Variants in FCHO1 observed in about 807,000 individuals in gnomAD.
FCHO1 encodes FCH and mu domain containing endocytic adaptor 1, also known as F-BAR domain only protein 1.
Under a neutral mutation model 114.4 loss-of-function variants are expected in FCHO1, and 45 were observed. The ratio of observed to expected loss-of-function variants is 0.39; its 90% CI spans 0.31 to 0.50. FCHO1 has a LOEUF of 0.50. FCHO1 is among the 20% of genes least tolerant of loss of function. The pLI is 0.77. For synonymous variants in FCHO1, 480 were observed against 488.9 expected, an observed-to-expected ratio of 0.98 and a Z score of 0.24; for missense variants, 1,042 against 1,209.6, an observed-to-expected ratio of 0.86 and a Z score of 2.06.
intron 11 of FCHO1, 56 bp downstream of exon 11, chr19:17,772,797 A>G (rs1267457471): frequency 4.9e-6 from 6 of 1,233,604 alleles, no homozygotes; most frequent in Admixed American, 1.7e-5. Flanking sequence ...GCAGACAGGC[A>G]TGTGCCACCA....
At chr19:17,781,903 G>A (rs536787026) in intron 23 of FCHO1, 83 bp downstream of exon 23, 5 of 940,858 alleles carry the variant, frequency 5.3e-6, no homozygotes, top group East Asian at 2.5e-5. Context: ...TGTGCTTCAT[G>A]GTCTGTCTTA....
upstream of FCHO1, among the ~76,000 whole-genome samples, chr19:17,748,413 C>G (rs1444993318): frequency 6.6e-6 from 1 of 151,704 alleles, no homozygotes; most frequent in Non-Finnish European, 1.5e-5. Context: ...TGTGGGGACC[C>G]CAAGGTTGGA....
chr19:17,780,955 C>A (rs1172999377), intron 20 of FCHO1, among the ~76,000 whole-genome samples: 1 of 152,208 alleles, frequency 6.6e-6, no homozygotes, highest in East Asian at 1.9e-4. Flanking sequence ...TTACAGCATG[C>A]CTGCGTCTTA....
chr19:17,764,358 C>T lies in FCHO1; in HGVS notation c.120-17C>T, dbSNP rs770319954. 3.7e-6 allele frequency: 6 copies of T among 1,613,098 alleles called. No individual in the cohort carries two copies. The South Asian group carries it at 5.5e-5, about 15-fold the overall frequency. On this transcript the variant is annotated splice_polypyrimidine_tract_variant and intron_variant, in intron 5 of 28. Coordinates refer to ENST00000596536, the MANE Select transcript of FCHO1 (RefSeq NM_015122.3). Reference sequence around the variant, plus strand: ...GCCCGGGCAGTTTCTCCATCTTTACCTCATTCTCCTCCCCAGGGCCACCAT... The same window carrying T: ...GCCCGGGCAGTTTCTCCATCTTTACTTCATTCTCCTCCCCAGGGCCACCAT...
chr19:17,770,064 C>A (rs2091012427), intron 7 of FCHO1, among the ~76,000 whole-genome samples: 1 of 152,060 alleles, frequency 6.6e-6, no homozygotes, highest in Admixed American at 6.6e-5. Flanking sequence ...CTTTGGGAGG[C>A]CAAGGTGGGC....
At chr19:17,778,043 A>C in intron 18 of FCHO1, 94 bp from the exon 19 acceptor site, 1 of 894,494 alleles carries the variant, frequency 1.1e-6, no homozygotes, top group Non-Finnish European at 1.8e-6. Flanking sequence ...CGTCTCAAAA[A>C]AAAAAAAGAC....
chr19:17,761,653 T>TATATATATATAC (rs1491266072), intron 4 of FCHO1, among the ~76,000 whole-genome samples: 21 of 139,786 alleles, frequency 1.5e-4, no homozygotes, highest in East Asian at 5.9e-4. Context: ...TATATATATA[T>TATATATATATAC]ACACACACAC....
chr19:17,765,751 A>G (rs941590641), intron 6 of FCHO1, among the ~76,000 whole-genome samples: 3 of 151,896 alleles, frequency 2.0e-5, no homozygotes, highest in African/African-American at 7.3e-5. Context: ...GGCTGCTATG[A>G]GGCAAAAGTT....
chr19:17,776,697 C>G lies in FCHO1; in HGVS notation c.1259+11C>G, dbSNP rs2092673873. 6.2e-7 allele frequency: 1 copy of G among 1,613,254 alleles called. No individual in the cohort carries two copies. The highest frequency in any genetic ancestry group is 1.3e-5 in the African/African-American group (1 of 74,916). On this transcript the variant is annotated intron_variant, in intron 18 of 28. Coordinates refer to ENST00000596536, the MANE Select transcript of FCHO1 (RefSeq NM_015122.3). The surrounding 1 kb of genome is among the most constrained non-coding windows in gnomAD (Gnocchi z 4.4). ...CCCCAGAACCAGCAGGTGGGTTCCA[C>G]ACGAGTGGGCAGGTGGGGGCTGTCC...
In FCHO1 at chr19:17,776,096, C is replaced by A. The variant is rs376919838; in HGVS notation, c.1117C>A (p.Pro373Thr). ...PAPARAPACSPEAAAAQLRAT... is the reference protein window; with the variant it reads ...PAPARAPACSTEAAAAQLRAT... ...CCCGGCCCGGGCTCCAGCCTGCAGC[C>A]CCGAGGCAGCAGCGGCACAGCTCAG... Residue 373 changes from proline (P) to threonine (T), a missense_variant, in exon 16 of 29, where the codon CCC becomes ACC. Physicochemically the swap from Pro to Thr is conservative, Grantham distance 38. This residue lies in a region of FCHO1 where 450 missense variants were observed against 564.1 expected (regional missense o/e 0.80). Coordinates refer to ENST00000596536, the MANE Select transcript of FCHO1 (RefSeq NM_015122.3). This position sits in a 1 kb window ranked among gnomAD's most constrained non-coding sequence, Gnocchi z 4.4. The A allele has an allele frequency of 6.2e-7, 1 of 1,612,536 alleles. No individual in the cohort carries two copies. Among genetic ancestry groups the A allele is most frequent in the Non-Finnish European group, 8.5e-7 (1 of 1,179,908 alleles).
At chr19:17,761,729 C>T (rs558153730) in intron 4 of FCHO1, among the ~76,000 whole-genome samples, 5 of 151,574 alleles carry the variant, frequency 3.3e-5, no homozygotes, top group South Asian at 4.2e-4. Flanking sequence ...GGCGTGATCT[C>T]GGCTCACTGC....
intron 7 of FCHO1, among the ~76,000 whole-genome samples, chr19:17,769,580 AACACACACACACACACAC>A (rs71162199): frequency 0.1 from 14,629 of 144,056 alleles, 940 homozygotes; most frequent in Non-Finnish European, 0.15. Flanking sequence ...CTTCGTCTCA[AACACACACACACACACAC>A]ACACACACAC....
chr19:17,757,400 C>T (rs181839796), intron 4 of FCHO1, among the ~76,000 whole-genome samples: 8 of 152,140 alleles, frequency 5.3e-5, no homozygotes, highest in African/African-American at 1.7e-4. Flanking sequence ...CTGCTCTGGG[C>T]GGTGGTGCCT....
At chr19:17,762,628 A>G (rs2086772430) in intron 4 of FCHO1, 134 bp from the exon 5 acceptor site, 1 of 745,578 alleles carries the variant, frequency 1.3e-6, no homozygotes, top group African/African-American at 1.7e-5. Flanking sequence ...AAATGCAGCA[A>G]GCTGATTCGC....
Position 17,775,102 on chromosome 19 carries a change from A to G in FCHO1, c.945+22A>G. The stretch of plus-strand genomic sequence containing the variant: ...AGGGGTGAGTGATGTGGGAGGGGTC[A>G]GGCTGGGCTACAAGTGGAAGGAGTT... On this transcript the variant is annotated intron_variant, in intron 14 of 28. Coordinates refer to ENST00000596536, the MANE Select transcript of FCHO1 (RefSeq NM_015122.3). The surrounding 1 kb of genome is among the most constrained non-coding windows in gnomAD (Gnocchi z 5.1). 4 of 1,609,096 alleles carry G rather than the reference A, an allele frequency of 2.5e-6. No homozygotes were observed. The highest frequency in any genetic ancestry group is 3.4e-6 in the Non-Finnish European group (4 of 1,177,202).
chr19:17,775,870 T>G lies in FCHO1; in HGVS notation c.1004-113T>G. The stretch of plus-strand genomic sequence containing the variant: ...ACTGAAGGTGGCGCGTGGTGAGCGA[T>G]GGGATTGGGCAGGACCTCGAAGGGT... On this transcript the variant is annotated intron_variant, in intron 15 of 28. Coordinates refer to ENST00000596536, the MANE Select transcript of FCHO1 (RefSeq NM_015122.3). This position sits in a 1 kb window ranked among gnomAD's most constrained non-coding sequence, Gnocchi z 5.1. 7.9e-7 allele frequency: 1 copy of G among 1,268,306 alleles called. No homozygotes were observed. The highest frequency in any genetic ancestry group is 1.1e-6 in the Non-Finnish European group (1 of 916,958). The allele number at this position is 1,268,306 out of a possible 1,614,324, so 78.6% of individuals were successfully genotyped here.
At position 17,783,162 on chromosome 19, in the gene FCHO1, C is replaced by T. The variant is rs1326378093; in HGVS notation, c.2083C>T (p.Leu695=). Residue 695 remains leucine (L), a synonymous_variant, in exon 24 of 29, where the codon CTG becomes TTG. Coordinates refer to ENST00000596536, the MANE Select transcript of FCHO1 (RefSeq NM_015122.3). ...TGAGCACTTCCAGCCCAACGCCGATCTGCTGTTCAGGTACTATGGAGGGGC... is the reference window on the plus strand; with the variant it reads ...TGAGCACTTCCAGCCCAACGCCGATTTGCTGTTCAGGTACTATGGAGGGGC... ...AIEHFQPNAD[L]LFSDPSQSDP... The T allele has an allele frequency of 1.9e-6, 3 of 1,614,072 alleles. No homozygotes were observed. In the South Asian group the frequency reaches 3.3e-5, roughly 18 times the overall value.
chr19:17,766,600 CCAGTGCCAG>C, intron 6 of FCHO1, 60 bp from the exon 7 acceptor site: 2 of 1,595,020 alleles, frequency 1.3e-6, no homozygotes, highest in East Asian at 4.5e-5. Context: ...CATACCTGAG[CCAGTGCCAG>C]CGCTGTCCCG....
Position 17,751,611 on chromosome 19 carries a change from A to T in FCHO1, c.-183+34A>T, listed in dbSNP as rs1247895018. 6.6e-6 allele frequency: 1 copy of T among 152,324 alleles called. No homozygotes were observed. Among genetic ancestry groups the T allele is most frequent in the Non-Finnish European group, 1.5e-5 (1 of 68,128 alleles). 9.4% of individuals were successfully genotyped at this position (152,324 alleles called of 1,614,324 possible). A position where few individuals can be genotyped will look rare whatever the true frequency, so the allele number is the denominator to read the frequency against. The stretch of plus-strand genomic sequence containing the variant: ...GAGCCCTGGCCAGTAGATACCCATC[A>T]TCTCGCCTTGGCCCCCCTCAGGAAC... On this transcript the variant is annotated intron_variant, in intron 1 of 28. Coordinates refer to ENST00000596536, the MANE Select transcript of FCHO1 (RefSeq NM_015122.3). The surrounding 1 kb of genome is among the most constrained non-coding windows in gnomAD (Gnocchi z 4.4).
Sources: gnomAD v4.1 joint callset for allele counts (sites outside exome capture counted in the v4.1 genomes callset) on GRCh38, gnomAD v4.1.1 for gene constraint, gnomAD v4.1.1 regional missense constraint, Gnocchi (gnomAD v3.1) non-coding constraint, MANE v1.5 for transcripts, NCBI Gene and HGNC (gene_info 2026-07-23, HGNC 2026-07-21) for gene names.